The following ATG7 variants were observed in gnomAD, a reference collection of about 807,000 sequenced individuals.
ATG7 encodes the protein ubiquitin-like modifier-activating enzyme ATG7.
In ATG7, 70 loss-of-function variants were observed where a neutral mutation model predicts 82.4. That is an observed-to-expected ratio of 0.85 (90% confidence interval 0.70 to 1.04). ATG7 has a LOEUF of 1.04. Among genes scored for constraint, ATG7 ranks in the 50% least tolerant of loss-of-function variants. ATG7 has a pLI of 0.00. For missense variants in ATG7, 792 were observed against 864.3 expected (o/e 0.92, Z 1.05); for synonymous variants, 287 against 313.0 (o/e 0.92, Z 0.88).
chr3:11,489,492 C>CTTAG (rs1182342208), intron 20 of ATG7, among the ~76,000 whole-genome samples: 3 of 3,570 alleles, frequency 8.4e-4, no homozygotes, highest in East Asian at 0.5. Flanking sequence ...CAGTTCTGCT[C>CTTAG]TTTAGTTATT....
chr3:11,489,235 AGT>A, intron 20 of ATG7, among the ~76,000 whole-genome samples: 1 of 152,216 alleles, frequency 6.6e-6, no homozygotes, highest in Admixed American at 6.5e-5. Context: ...GGGACATTTA[AGT>A]CTGCAGAGGT....
At chr3:11,299,250 G>T in intron 4 of ATG7, 112 bp from the exon 5 acceptor site, 2 of 1,016,300 alleles carry the variant, frequency 2.0e-6, no homozygotes, top group South Asian at 1.3e-5. Flanking sequence ...ATCAGAAATT[G>T]GATGGGGCGC....
intron 20 of ATG7, among the ~76,000 whole-genome samples, chr3:11,451,861 G>A (rs1005578299): frequency 6.2e-5 from 9 of 144,928 alleles, no homozygotes; most frequent in South Asian, 2.2e-4. Flanking sequence ...ATATATATAC[G>A]CCTTTACATA....
At chr3:11,562,640 GC>G (rs1416098166), downstream of ATG7, among the ~76,000 whole-genome samples, 1 of 152,224 alleles carries the variant, frequency 6.6e-6, no homozygotes, top group Admixed American at 6.5e-5. Context: ...GGTGTGCATG[GC>G]CTCAGCCCCG....
chr3:11,341,842 T>C (rs1055972627), intron 12 of ATG7, among the ~76,000 whole-genome samples: 2 of 152,166 alleles, frequency 1.3e-5, no homozygotes, highest in Non-Finnish European at 2.9e-5. Context: ...TCAGATGGTG[T>C]GTTTTTATTC....
chr3:11,317,996 G>A (rs1949687582), intron 9 of ATG7, among the ~76,000 whole-genome samples: 1 of 152,184 alleles, frequency 6.6e-6, no homozygotes, highest in Non-Finnish European at 1.5e-5. Context: ...CTCCTTATAA[G>A]GTTTTGTGAG....
chr3:11,384,530 A>G (rs1443236206), intron 19 of ATG7, among the ~76,000 whole-genome samples: 2 of 152,202 alleles, frequency 1.3e-5, no homozygotes, highest in Admixed American at 1.3e-4. Context: ...GTGATAGGGT[A>G]AGGGTTAGGT....
intron 3 of ATG7, chr3:11,290,512 G>T: frequency 2.9e-6 from 1 of 346,976 alleles, no homozygotes. Context: ...TTTTGGTAGT[G>T]GATCTTGGCC....
chr3:11,499,750 A>C (rs961692723), intron 20 of ATG7, among the ~76,000 whole-genome samples: 2 of 150,124 alleles, frequency 1.3e-5, no homozygotes, highest in Non-Finnish European at 3.0e-5. Flanking sequence ...TCCATCTCAA[A>C]AAAAAAAAAA....
intron 20 of ATG7, among the ~76,000 whole-genome samples, chr3:11,482,574 T>G (rs938240088): frequency 6.6e-6 from 1 of 152,128 alleles, no homozygotes; most frequent in African/African-American, 2.4e-5. Flanking sequence ...AGTTGGGCCT[T>G]ACTGAGAGCT....
At chr3:11,359,340 C>G (rs2076137288) in intron 15 of ATG7, among the ~76,000 whole-genome samples, 1 of 151,940 alleles carries the variant, frequency 6.6e-6, no homozygotes, top group Non-Finnish European at 1.5e-5. Context: ...TCTATATAAT[C>G]AGATATTTGG....
At chr3:11,338,787 G>A (rs529193395) in intron 11 of ATG7, among the ~76,000 whole-genome samples, 1 of 152,296 alleles carries the variant, frequency 6.6e-6, no homozygotes, top group Admixed American at 6.5e-5. Flanking sequence ...CCAAACTGGG[G>A]CCCAACTAGC....
chr3:11,561,657 G>A (rs968889030), downstream of ATG7, among the ~76,000 whole-genome samples: 1 of 151,986 alleles, frequency 6.6e-6, no homozygotes. Flanking sequence ...ATGGGATCCC[G>A]AGGCTCCCCT....
rs553773509 is a variant in ATG7 at position 11,440,616 on chromosome 3, G to A, written c.2079+13690G>A. 8.4e-5 allele frequency among the ~76,000 whole-genome samples: 12 copies of A among 142,074 alleles called. No homozygotes were observed. The East Asian group carries it at 1.6e-3, about 19-fold the overall frequency. The allele number at this position is 142,074 out of a possible 152,430, so 93.2% of individuals were successfully genotyped here. The stretch of plus-strand genomic sequence containing the variant: ...TGGGATTACAGGCGTGAGCCACCGC[G>A]CCCGGCCTTTACTCTTAATTTCCCT... On this transcript the variant is annotated intron_variant, in intron 20 of 20. Transcript: ENST00000693202.
intron 9 of ATG7, among the ~76,000 whole-genome samples, chr3:11,320,232 CTA>C (rs1240740030): frequency 6.6e-6 from 1 of 152,064 alleles, no homozygotes; most frequent in Non-Finnish European, 1.5e-5. Context: ...TCCCTGACCT[CTA>C]TAAAAAGGTT....
rs564693151 is a variant in ATG7 at position 11,420,818 on chromosome 3, C to T, written c.1957-5986C>T. Among the ~76,000 whole-genome samples the T allele has an allele frequency of 1.8e-4, 27 of 146,850 alleles. No homozygotes were observed. In the South Asian group the frequency reaches 4.1e-3, roughly 22 times the overall value. ...TTGCCCAGGCTGGAGTGCAATGGCG[C>T]GATCTCGGCTCACTGCAAGCTCTGC... On this transcript the variant is annotated intron_variant, in intron 19 of 20. Coordinates refer to ENST00000693202, the MANE Select transcript of ATG7 (RefSeq NM_001349232.2).
At chr3:11,445,985 C>T (rs905075632) in intron 20 of ATG7, among the ~76,000 whole-genome samples, 1 of 152,008 alleles carries the variant, frequency 6.6e-6, no homozygotes, top group African/African-American at 2.4e-5. Context: ...ATATGTTATG[C>T]TTGTGTAGCC....
rs148258672 is a variant in ATG7, at chr3:11,536,636, G to T, written c.2080-18175G>T. ...CGTTTGTGTGAGCGCACTCTGGCGG[G>T]GAGTCCCGAGAGCGGACCCTCTTGC... is the stretch of plus-strand genomic sequence containing the variant. On this transcript the variant is annotated intron_variant, in intron 20 of 20. Coordinates refer to ENST00000693202, the MANE Select transcript of ATG7 (RefSeq NM_001349232.2). 5.6e-4 allele frequency among the ~76,000 whole-genome samples: 85 copies of T among 152,350 alleles called. 1 individual carries two copies. The highest frequency in any genetic ancestry group is 1.1e-3 in the Non-Finnish European group (76 of 68,030).
At chr3:11,492,856 A>T (rs550784510) in intron 20 of ATG7, among the ~76,000 whole-genome samples, 2 of 152,256 alleles carry the variant, frequency 1.3e-5, no homozygotes, top group Non-Finnish European at 2.9e-5. Context: ...AACTTTGTGC[A>T]GACCCCACGG....
Sources: gnomAD v4.1 joint callset for allele counts (sites outside exome capture counted in the v4.1 genomes callset) on GRCh38, gnomAD v4.1.1 for gene constraint, MANE v1.5 for transcripts, NCBI Gene and HGNC (gene_info 2026-07-23, HGNC 2026-07-21) for gene names.